The following FMN1 variants were observed in gnomAD, a reference collection of about 807,000 sequenced individuals.
FMN1 encodes formin 1, also known as formin-1.
FMN1 carries 110 observed loss-of-function variants against 132.4 expected under a neutral mutation model. The ratio of observed to expected loss-of-function variants is 0.83; its 90% CI spans 0.71 to 0.97. FMN1 has a LOEUF of 0.97. Among genes scored for constraint, FMN1 ranks in the 50% least tolerant of loss-of-function variants. The pLI is 0.00. For synonymous variants in FMN1, 722 were observed against 651.7 expected (o/e 1.11, Z -1.64); for missense variants, 1,792 against 1,705.3 (o/e 1.05, Z -0.90).
chr15:33,036,532 G>C (rs937822665), intron 6 of FMN1, among the ~76,000 whole-genome samples: 1 of 152,148 alleles, frequency 6.6e-6, no homozygotes, highest in African/African-American at 2.4e-5. Context: ...AATGAGAGCT[G>C]AGATTTCTGT....
At chr15:33,024,396 G>A (rs1394477717) in intron 6 of FMN1, among the ~76,000 whole-genome samples, 2 of 151,858 alleles carry the variant, frequency 1.3e-5, no homozygotes, top group African/African-American at 2.4e-5. Flanking sequence ...ACAGGCGTCC[G>A]CCACCACGCC....
intron 6 of FMN1, among the ~76,000 whole-genome samples, chr15:33,034,493 C>T (rs1366389994): frequency 6.6e-6 from 1 of 152,194 alleles, no homozygotes; most frequent in Non-Finnish European, 1.5e-5. Flanking sequence ...AGAAGGACTG[C>T]TTGAGCCCAG....
intron 17 of FMN1, among the ~76,000 whole-genome samples, chr15:32,821,137 ATTTTC>A (rs2058205006): frequency 1.5e-5 from 2 of 131,564 alleles, no homozygotes; most frequent in Non-Finnish European, 3.4e-5. Context: ...AGATAATCAG[ATTTTC>A]TAAGAGATAA....
intron 19 of FMN1, among the ~76,000 whole-genome samples, chr15:32,785,200 G>GTATATATATATATA (rs1555453683): frequency 3.7e-5 from 1 of 27,256 alleles, no homozygotes; most frequent in African/African-American, 1.3e-4. Flanking sequence ...GTGTGTGTGT[G>GTATATATATATATA]TATATATATA....
chr15:33,049,329 T>C (rs774766644), intron 6 of FMN1, among the ~76,000 whole-genome samples: 1 of 152,194 alleles, frequency 6.6e-6, no homozygotes, highest in Non-Finnish European at 1.5e-5. Context: ...AATGTGACAT[T>C]ATCAAACTGA....
intron 3 of FMN1, among the ~76,000 whole-genome samples, chr15:33,161,745 C>T (rs928273488): frequency 1.5e-4 from 23 of 151,954 alleles, no homozygotes; most frequent in South Asian, 4.1e-4. Context: ...GGTGAAACCC[C>T]GTCTCCACTA....
intron 3 of FMN1, among the ~76,000 whole-genome samples, chr15:33,167,616 C>A (rs1965161312): frequency 6.6e-6 from 1 of 152,184 alleles, no homozygotes; most frequent in Non-Finnish European, 1.5e-5. Context: ...GTATGTATAA[C>A]TTTTGGTTCC....
intron 5 of FMN1, among the ~76,000 whole-genome samples, chr15:33,065,832 T>C (rs1417629667): frequency 1.3e-5 from 2 of 152,214 alleles, no homozygotes; most frequent in African/African-American, 2.4e-5. Flanking sequence ...TTACCTGAGT[T>C]AGTTTTCTTT....
chr15:32,802,450 A>C (rs559473129), intron 18 of FMN1, among the ~76,000 whole-genome samples: 1 of 152,340 alleles, frequency 6.6e-6, no homozygotes, highest in East Asian at 1.9e-4. Flanking sequence ...AGAATTCACT[A>C]ATCTCACACA....
At chr15:32,782,735 G>C (rs2056704200) in intron 19 of FMN1, among the ~76,000 whole-genome samples, 1 of 152,082 alleles carries the variant, frequency 6.6e-6, no homozygotes, top group South Asian at 2.1e-4. Context: ...TTTTGTTTCT[G>C]GCCTAAATGT....
In FMN1 at chr15:33,159,380, T is replaced by C. The variant is rs150197736; in HGVS notation, c.-131-4335A>G. On this transcript the variant is annotated intron_variant, in intron 3 of 20. Coordinates refer to ENST00000616417, the MANE Select transcript of FMN1 (RefSeq NM_001277313.2). ...GAAGATGAATTCAGTTGTGGAAATATTGAATTTGATGTATCGGGGAATAAT... is the reference window on the plus strand; with the variant it reads ...GAAGATGAATTCAGTTGTGGAAATACTGAATTTGATGTATCGGGGAATAAT... Among the ~76,000 whole-genome samples, 182 of 152,278 alleles carry C rather than the reference T, an allele frequency of 1.2e-3. 2 individuals are homozygous for C. The highest frequency in any genetic ancestry group is 3.8e-3 in the African/African-American group (157 of 41,558).
At chr15:33,014,223 T>C (rs376610019) in intron 6 of FMN1, among the ~76,000 whole-genome samples, 10 of 152,382 alleles carry the variant, frequency 6.6e-5, no homozygotes, top group African/African-American at 2.4e-4. Flanking sequence ...ATAATGTCCA[T>C]GAGTCAAAAC....
At chr15:33,002,394 C>A (rs1207310551) in intron 7 of FMN1, among the ~76,000 whole-genome samples, 1 of 152,212 alleles carries the variant, frequency 6.6e-6, no homozygotes, top group Admixed American at 6.5e-5. Context: ...GAGTCCACTA[C>A]TTAGTGAAAC....
At chr15:32,981,969 T>G (rs1355929554) in intron 7 of FMN1, among the ~76,000 whole-genome samples, 2 of 152,046 alleles carry the variant, frequency 1.3e-5, no homozygotes, top group East Asian at 3.9e-4. Flanking sequence ...GAAAAAATGT[T>G]GGAAAACAAA....
intron 5 of FMN1, chr15:33,067,687 AT>A (rs1156317486): frequency 1.2e-6 from 2 of 1,613,918 alleles, no homozygotes; most frequent in South Asian, 2.2e-5. Context: ...GAGATGTGGG[AT>A]TCACGTCTAA....
chr15:32,810,508 C>A (rs1046830903), intron 17 of FMN1, among the ~76,000 whole-genome samples: 2 of 152,112 alleles, frequency 1.3e-5, no homozygotes, highest in Non-Finnish European at 2.9e-5. Flanking sequence ...CAGATTGAGT[C>A]TTTAAAATAT....
At chr15:32,895,127 G>A (rs1351979049) in intron 15 of FMN1, among the ~76,000 whole-genome samples, 1 of 151,896 alleles carries the variant, frequency 6.6e-6, no homozygotes, top group East Asian at 1.9e-4. Context: ...GTTTTCTTAG[G>A]GTAGAAATTT....
intron 19 of FMN1, among the ~76,000 whole-genome samples, chr15:32,789,443 A>G (rs952526197): frequency 6.6e-6 from 1 of 152,186 alleles, no homozygotes; most frequent in African/African-American, 2.4e-5. Flanking sequence ...TGTAAATATT[A>G]TAGTAGTTTT....
chr15:33,145,588 G>A (rs990991513), intron 4 of FMN1, among the ~76,000 whole-genome samples: 6 of 151,688 alleles, frequency 4.0e-5, no homozygotes, highest in African/African-American at 1.2e-4. Flanking sequence ...GCTATTTTCA[G>A]TGTTGTCCCT....
Sources: allele counts gnomAD v4.1 joint callset (sites outside exome capture counted in the v4.1 genomes callset), GRCh38; gene constraint gnomAD v4.1.1; transcripts MANE v1.5; gene names NCBI Gene and HGNC (gene_info 2026-07-23, HGNC 2026-07-21).